The following GREB1L variants were observed in gnomAD, a reference collection of about 807,000 sequenced individuals.
GREB1L encodes GREB1 like retinoic acid receptor coactivator.
In GREB1L, 17 loss-of-function variants were observed where a neutral mutation model predicts 200.8. That is an observed-to-expected ratio of 0.08 (90% confidence interval 0.06 to 0.13). GREB1L has a LOEUF of 0.13. Ranked by LOEUF, GREB1L falls within the 10% of genes least tolerant of loss-of-function variation. The pLI, the probability that GREB1L is intolerant of heterozygous loss-of-function variation, is 1.00. For synonymous variants in GREB1L, 789 were observed against 893.0 expected (o/e 0.88, Z 2.08); for missense variants, 1,657 against 2,367.7 (o/e 0.70, Z 6.23).
chr18:21,450,965 A>G, intron 12 of GREB1L, 58 bp from the exon 13 acceptor site: 3 of 1,507,958 alleles, frequency 2.0e-6, no homozygotes, highest in East Asian at 2.5e-5. Flanking sequence ...ATTATAAGTA[A>G]TGTTCCAGCA....
intron 15 of GREB1L, among the ~76,000 whole-genome samples, chr18:21,460,367 CAG>C (rs959231209): frequency 6.6e-6 from 1 of 151,912 alleles, no homozygotes; most frequent in African/African-American, 2.4e-5. Flanking sequence ...ATTTTTGAGA[CAG>C]AGTTTCGCTT....
chr18:21,313,084 C>T (rs1413624620), intron 1 of GREB1L, among the ~76,000 whole-genome samples: 4 of 151,912 alleles, frequency 2.6e-5, no homozygotes, highest in Non-Finnish European at 4.4e-5. Flanking sequence ...AATGGTCTCC[C>T]GTTCTGTAGG....
intron 11 of GREB1L, among the ~76,000 whole-genome samples, chr18:21,444,865 C>A (rs1275710888): frequency 6.6e-6 from 1 of 152,178 alleles, no homozygotes; most frequent in African/African-American, 2.4e-5. Context: ...TGGCCCTACA[C>A]CCATTTTTTT....
In GREB1L at chr18:21,499,729, G is replaced by T. The variant is rs1326086477; in HGVS notation, c.3392G>T (p.Gly1131Val). 1.3e-6 allele frequency: 2 copies of T among 1,547,038 alleles called. No homozygotes were observed. Among genetic ancestry groups the T allele is most frequent in the South Asian group, 1.2e-5 (1 of 83,914 alleles). Residue 1131 changes from glycine (G) to valine (V), a missense_variant and splice_region_variant, in exon 22 of 33, where the codon GGT becomes GTT. Gly to Val is a moderately radical substitution (Grantham distance 109, BLOSUM62 -3). Coordinates refer to ENST00000424526, the MANE Select transcript of GREB1L (RefSeq NM_001142966.3). Reference sequence around the variant, plus strand: ...GTGGGTTCTGTCTGTTCTCTCACAGGTTCCATCATGGAGAATGGAGTGAGC... The same window carrying T: ...GTGGGTTCTGTCTGTTCTCTCACAGTTTCCATCATGGAGAATGGAGTGAGC... The part of the protein sequence containing the change: ...SNSSAVTGTS[G>V]SIMENGVSSS...
chr18:21,299,544 T>G (rs1448310786), intron 1 of GREB1L, among the ~76,000 whole-genome samples: 1 of 151,800 alleles, frequency 6.6e-6, no homozygotes, highest in Non-Finnish European at 1.5e-5. Context: ...TCTTTCTTTC[T>G]TTCTTTCCCC....
chr18:21,483,944 C>G (rs2036019500), intron 17 of GREB1L, among the ~76,000 whole-genome samples: 1 of 149,368 alleles, frequency 6.7e-6, no homozygotes, highest in Non-Finnish European at 1.5e-5. Flanking sequence ...CCACTGCACT[C>G]CAGCCTGGGT....
intron 1 of GREB1L, among the ~76,000 whole-genome samples, chr18:21,309,610 A>T (rs1297980098): frequency 6.6e-6 from 1 of 152,180 alleles, no homozygotes; most frequent in African/African-American, 2.4e-5. Context: ...AGGACCTGTT[A>T]TAAAAAAGTA....
chr18:21,339,501 G>A (rs1042502171), intron 1 of GREB1L, among the ~76,000 whole-genome samples: 6 of 152,200 alleles, frequency 3.9e-5, no homozygotes, highest in African/African-American at 1.4e-4. Context: ...AGAATTTAGT[G>A]TAGCTTAGCC....
intron 1 of GREB1L, among the ~76,000 whole-genome samples, chr18:21,316,224 TTTGTTTA>T (rs1488116903): frequency 2.6e-5 from 4 of 152,124 alleles, no homozygotes; most frequent in Non-Finnish European, 5.9e-5. Context: ...GGTTTTATTT[TTTGTTTA>T]TTGTTTATTT....
intron 2 of GREB1L, among the ~76,000 whole-genome samples, chr18:21,382,777 A>G (rs1253632102): frequency 2.0e-5 from 3 of 152,072 alleles, no homozygotes; most frequent in African/African-American, 4.8e-5. Context: ...ATGAGCCACT[A>G]TGCCCACCCT....
At chr18:21,285,620 G>A (rs1318149483) in intron 1 of GREB1L, among the ~76,000 whole-genome samples, 4 of 152,068 alleles carry the variant, frequency 2.6e-5, no homozygotes, top group Admixed American at 2.0e-4. Flanking sequence ...TCCTCAAAAT[G>A]TTCTTTGTGG....
At chr18:21,276,618 G>A (rs1233761011) in intron 1 of GREB1L, among the ~76,000 whole-genome samples, 1 of 152,060 alleles carries the variant, frequency 6.6e-6, no homozygotes, top group Non-Finnish European at 1.5e-5. Context: ...AGTAAGTCCT[G>A]GATCTTAACC....
chr18:21,332,483 T>C (rs2039120214), intron 1 of GREB1L, among the ~76,000 whole-genome samples: 1 of 152,144 alleles, frequency 6.6e-6, no homozygotes, highest in Non-Finnish European at 1.5e-5. Flanking sequence ...AAAAAATTTT[T>C]TTTTCTTTTG....
chr18:21,431,112 C>T (rs2145089165), intron 7 of GREB1L, among the ~76,000 whole-genome samples: 1 of 152,040 alleles, frequency 6.6e-6, no homozygotes, highest in East Asian at 1.9e-4. Flanking sequence ...ACCTCCACCT[C>T]CTGGGTTCAA....
At position 21,439,513 on chromosome 18, in the gene GREB1L, T is replaced by C; in HGVS notation, c.833-8T>C. The C allele has an allele frequency of 6.6e-7, 1 of 1,504,748 alleles. No homozygotes were observed. 93.2% of individuals were successfully genotyped at this position (1,504,748 alleles called of 1,614,324 possible). ...TGTTCTGAGCACTCCTCTCCTTGTG[T>C]TCTACAGATGCTGCTAATGGAAACA... is the stretch of plus-strand genomic sequence containing the variant. On this transcript the variant is annotated splice_region_variant and splice_polypyrimidine_tract_variant and intron_variant, in intron 7 of 32. Coordinates refer to ENST00000424526, the MANE Select transcript of GREB1L (RefSeq NM_001142966.3).
intron 2 of GREB1L, among the ~76,000 whole-genome samples, chr18:21,375,037 TTTTTG>T (rs933507413): frequency 2.0e-5 from 3 of 149,514 alleles, no homozygotes; most frequent in Admixed American, 6.7e-5. Flanking sequence ...GTGAGGAGGT[TTTTTG>T]TTTTGTTTTG....
chr18:21,447,633 C>T (rs1320030972), intron 11 of GREB1L, among the ~76,000 whole-genome samples: 3 of 152,244 alleles, frequency 2.0e-5, no homozygotes, highest in East Asian at 1.9e-4. Context: ...TAATGAAAGA[C>T]GGTAGGGAAT....
intron 1 of GREB1L, among the ~76,000 whole-genome samples, chr18:21,287,910 T>C (rs1486516088): frequency 6.6e-6 from 1 of 151,158 alleles, no homozygotes; most frequent in Non-Finnish European, 1.5e-5. Context: ...TTCTCTTGCC[T>C]CAACCTCCCG....
intron 25 of GREB1L, 56 bp downstream of exon 25, chr18:21,506,005 AGGG>A: frequency 6.6e-7 from 1 of 1,506,040 alleles, no homozygotes; most frequent in Non-Finnish European, 8.9e-7. Context: ...TTTGTATGTA[AGGG>A]TGGGGGGTGG....
Sources: allele counts gnomAD v4.1 joint callset (sites outside exome capture counted in the v4.1 genomes callset), GRCh38; gene constraint gnomAD v4.1.1; transcripts MANE v1.5; gene names NCBI Gene and HGNC (gene_info 2026-07-23, HGNC 2026-07-21).